The following ASB7 variants were observed in gnomAD, a reference collection of about 807,000 sequenced individuals.
ASB7 encodes the protein ankyrin repeat and SOCS box containing 7.
A neutral mutation model predicts 32.5 loss-of-function variants in ASB7; 4 were observed. The ratio of observed to expected loss-of-function variants is 0.12; its 90% CI spans 0.06 to 0.28. ASB7 has a LOEUF of 0.28. Ranked by LOEUF, ASB7 falls within the 10% of genes least tolerant of loss-of-function variation. The pLI is 1.00. For missense variants in ASB7, 181 were observed against 407.1 expected (o/e 0.44, Z 4.78); for synonymous variants, 172 against 155.6 (o/e 1.11, Z -0.78).
chr15:100,616,936 CA>C (rs1292486322), intron 4 of ASB7, among the ~76,000 whole-genome samples: 1 of 152,256 alleles, frequency 6.6e-6, no homozygotes, highest in East Asian at 1.9e-4. Flanking sequence ...ATCGCCAGCA[CA>C]GCACAAGCTG....
chr15:100,627,900 G>C (rs1034215347), intron 4 of ASB7, among the ~76,000 whole-genome samples: 1 of 152,164 alleles, frequency 6.6e-6, no homozygotes, highest in African/African-American at 2.4e-5. Context: ...TCTGGTAAGC[G>C]ATGCACCTGG....
chr15:100,627,283 G>T (rs1028993969), intron 4 of ASB7, among the ~76,000 whole-genome samples: 2 of 152,192 alleles, frequency 1.3e-5, no homozygotes, highest in Admixed American at 1.3e-4. Flanking sequence ...TGTTTTAGAT[G>T]AAATGTTTAG....
rs2039867111 is a variant in ASB7, at chr15:100,629,468, C to T, written c.243C>T (p.Gly81=). The change falls in exon 5 of 6, where the codon GGC becomes GGT. Residue 81 remains glycine, a synonymous_variant. Transcript: ENST00000332783. This position sits in a 1 kb window ranked among gnomAD's most constrained non-coding sequence, Gnocchi z 6.8. ...CTACAGTTAAAGACTTAATCGGAGG[C>T]TTCACGGCTCTTCACTATGCAGCCA... The part of the protein sequence containing the change: ...ADPTVKDLIG[G]FTALHYAAMH... 2 of 1,613,868 alleles carry T rather than the reference C, an allele frequency of 1.2e-6. No individual in the cohort carries two copies. Among genetic ancestry groups the T allele is most frequent in the Non-Finnish European group, 1.7e-6 (2 of 1,179,762 alleles).
chr15:100,611,437 C>T (rs2039693799), intron 3 of ASB7, among the ~76,000 whole-genome samples: 1 of 146,842 alleles, frequency 6.8e-6, no homozygotes, highest in Non-Finnish European at 1.5e-5. Context: ...TACTACTTTT[C>T]CTTTTAGTAA....
intron 5 of ASB7, among the ~76,000 whole-genome samples, chr15:100,647,726 T>C (rs2040005807): frequency 6.6e-6 from 1 of 152,198 alleles, no homozygotes; most frequent in Non-Finnish European, 1.5e-5. Context: ...ACCAAGGTTC[T>C]GCTGTGTTCA....
At position 100,605,548 on chromosome 15, in the gene ASB7, G is replaced by A. The variant is rs565146062; in HGVS notation, c.-174+2235G>A. Among the ~76,000 whole-genome samples, 128 of 152,254 alleles carry A rather than the reference G, an allele frequency of 8.4e-4. 1 individual carries two copies. The highest frequency in any genetic ancestry group is 3.0e-3 in the African/African-American group (125 of 41,536). On this transcript the variant is annotated intron_variant, in intron 2 of 5. Transcript: ENST00000332783. ...TACAGTATCTCTTTAATTTGTTCAC[G>A]TTTAACTTTGGTGACATAGAGATAC...
At chr15:100,612,567 G>A in intron 4 of ASB7, 140 bp downstream of exon 4, 1 of 812,238 alleles carries the variant, frequency 1.2e-6, no homozygotes, top group Non-Finnish European at 1.9e-6. Context: ...GTGAAGATTT[G>A]CTATAAGTGT....
chr15:100,648,087 C>G (rs1285469145), intron 5 of ASB7, among the ~76,000 whole-genome samples: 1 of 152,184 alleles, frequency 6.6e-6, no homozygotes, highest in Non-Finnish European at 1.5e-5. Context: ...ACATCTGATA[C>G]TCAGTTTTCT....
chr15:100,631,274 A>C (rs543391500), intron 5 of ASB7, among the ~76,000 whole-genome samples: 1 of 152,288 alleles, frequency 6.6e-6, no homozygotes, highest in East Asian at 1.9e-4. Context: ...GCACCTATTA[A>C]TGTGACCGTT....
rs947606823 is a variant in ASB7, at chr15:100,645,599, G to C, written c.818-2724G>C. 6 of 756,340 alleles carry C rather than the reference G, an allele frequency of 7.9e-6. No individual in the cohort carries two copies. In the African/African-American group the frequency reaches 1.0e-4, roughly 13 times the overall value. 46.9% of individuals were successfully genotyped at this position (756,340 alleles called of 1,614,324 possible). The stretch of plus-strand genomic sequence containing the variant: ...CTTGACGGTGTTATATAAGGATCCT[G>C]AAATCTGCTGTGGTTCATGGGTAGG... On this transcript the variant is annotated intron_variant, in intron 5 of 5. Transcript: ENST00000332783.
At chr15:100,605,009 T>C (rs901248124) in intron 2 of ASB7, among the ~76,000 whole-genome samples, 14 of 152,230 alleles carry the variant, frequency 9.2e-5, no homozygotes, top group Admixed American at 4.6e-4. Flanking sequence ...TAGTTTCACC[T>C]GAGATGGTAA....
At position 100,629,918 on chromosome 15, in the gene ASB7, G is replaced by T; in HGVS notation, c.693G>T (p.Arg231=). ...TTAGGGATGATGTGCTGTGTGCACGGATGTTATATAATTACGGAGCAGACA... is the reference window on the plus strand; with the variant it reads ...TTAGGGATGATGTGCTGTGTGCACGTATGTTATATAATTACGGAGCAGACA... ...SALRDDVLCA[R]MLYNYGADTN... Residue 231 remains arginine, a synonymous_variant, in exon 5 of 6, where the codon CGG becomes CGT. Coordinates refer to ENST00000332783, the MANE Select transcript of ASB7 (RefSeq NM_198243.3). The surrounding 1 kb of genome is among the most constrained non-coding windows in gnomAD (Gnocchi z 6.8). 6.2e-7 allele frequency: 1 copy of T among 1,614,186 alleles called. No homozygotes were observed. The highest frequency in any genetic ancestry group is 8.5e-7 in the Non-Finnish European group (1 of 1,180,026).
chr15:100,617,969 AC>A (rs1026176624), intron 4 of ASB7, among the ~76,000 whole-genome samples: 2 of 151,298 alleles, frequency 1.3e-5, no homozygotes, highest in African/African-American at 4.9e-5. Flanking sequence ...GCCTCCCCCC[AC>A]CCCCCACGGG....
At chr15:100,619,370 A>C (rs1376423115) in intron 4 of ASB7, among the ~76,000 whole-genome samples, 1 of 152,256 alleles carries the variant, frequency 6.6e-6, no homozygotes, top group Non-Finnish European at 1.5e-5. Context: ...GAGGAATGGG[A>C]GAACAGATTC....
intron 5 of ASB7, among the ~76,000 whole-genome samples, chr15:100,631,097 T>C (rs1234126090): frequency 6.6e-6 from 1 of 152,182 alleles, no homozygotes; most frequent in Non-Finnish European, 1.5e-5. Flanking sequence ...TGCAGATTCA[T>C]GGAAGAAAAG....
chr15:100,624,023 C>T (rs960897979), intron 4 of ASB7, among the ~76,000 whole-genome samples: 12 of 152,048 alleles, frequency 7.9e-5, no homozygotes, highest in Admixed American at 5.9e-4. Flanking sequence ...ACATAGATGA[C>T]GAGGTCATCA....
chr15:100,624,225 TG>T (rs1470391547), intron 4 of ASB7, among the ~76,000 whole-genome samples: 1 of 152,204 alleles, frequency 6.6e-6, no homozygotes. Context: ...AAAGAAGTTC[TG>T]ACGTTCAATA....
intron 5 of ASB7, among the ~76,000 whole-genome samples, chr15:100,641,978 G>C (rs73483078): frequency 1.0e-3 from 155 of 152,314 alleles, no homozygotes; most frequent in African/African-American, 3.4e-3. Context: ...AATCCAGGCA[G>C]CCTGGCTCCA....
rs983298968 is a variant in ASB7, at chr15:100,649,278, G to T, written c.*816G>T. On this transcript the variant is annotated 3_prime_UTR_variant, in exon 6 of 6. Transcript: ENST00000332783. ...GTGTATTTTATCCATTATTTCACTT[G>T]CTGGTCGTCATTTCACAGCCAGCTT... 3.9e-5 allele frequency: 6 copies of T among 152,152 alleles called. No individual in the cohort carries two copies. Among genetic ancestry groups the T allele is most frequent in the Non-Finnish European group, 8.8e-5 (6 of 68,022 alleles). 9.4% of individuals were successfully genotyped at this position (152,152 alleles called of 1,614,324 possible).
Sources: allele counts gnomAD v4.1 joint callset (sites outside exome capture counted in the v4.1 genomes callset), GRCh38; gene constraint gnomAD v4.1.1; non-coding constraint Gnocchi (gnomAD v3.1); transcripts MANE v1.5; gene names NCBI Gene and HGNC (gene_info 2026-07-23, HGNC 2026-07-21).